The following PRELID2 variants were observed in gnomAD, a reference collection of about 807,000 sequenced individuals.
PRELID2 encodes the protein PRELI domain containing 2.
A neutral mutation model predicts 28.4 loss-of-function variants in PRELID2; 25 were observed. The ratio of observed to expected loss-of-function variants is 0.88; its 90% confidence interval spans 0.64 to 1.23. The LOEUF is 1.23. Ranked by LOEUF, PRELID2 falls within the 50% of genes most tolerant of loss-of-function variation. PRELID2 has a pLI of 0.00. For synonymous variants in PRELID2, 76 were observed against 71.6 expected (o/e 1.06, Z -0.31); for missense variants, 201 against 214.4 (o/e 0.94, Z 0.39).
chr5:145,248,155 C>T, the PRELID2 span, among the ~76,000 whole-genome samples: 1 of 152,028 alleles, frequency 6.6e-6, no homozygotes, highest in Non-Finnish European at 1.5e-5. Flanking sequence ...TAGAACTGCT[C>T]AGGATGTAAC....
chr5:145,656,144 T>C (rs1293001975), intron 1 of PRELID2, among the ~76,000 whole-genome samples: 1 of 151,924 alleles, frequency 6.6e-6, no homozygotes, highest in Non-Finnish European at 1.5e-5. Flanking sequence ...AACAGACACA[T>C]GAAAAAATGC....
chr5:145,773,928 T>C (rs1758255313), intron 5 of PRELID2, among the ~76,000 whole-genome samples: 1 of 152,268 alleles, frequency 6.6e-6, no homozygotes, highest in South Asian at 2.1e-4. Flanking sequence ...ATTCTGCTTT[T>C]ATCTTGTATC....
chr5:145,360,463 C>A, the PRELID2 span, among the ~76,000 whole-genome samples: 1 of 152,018 alleles, frequency 6.6e-6, no homozygotes, highest in Non-Finnish European at 1.5e-5. Context: ...TAGGAACAAA[C>A]CCTTACAGTG....
intron 1 of PRELID2, among the ~76,000 whole-genome samples, chr5:145,487,138 G>C (rs1032719087): frequency 6.7e-6 from 1 of 148,856 alleles, no homozygotes; most frequent in Non-Finnish European, 1.5e-5. Flanking sequence ...TATACCTAAT[G>C]CTAGATGATG....
intron 1 of PRELID2, among the ~76,000 whole-genome samples, chr5:145,664,099 GA>G (rs1470217364): frequency 6.6e-6 from 1 of 152,008 alleles, no homozygotes; most frequent in African/African-American, 2.4e-5. Context: ...TAAAATGAAG[GA>G]AATATTGAAG....
rs1420312572 is a variant in PRELID2 at position 145,760,367 on chromosome 5, A to G, written c.*169T>C. The G allele has an allele frequency of 4.6e-5, 7 of 152,088 alleles. No individual in the cohort carries two copies. The highest frequency in any genetic ancestry group is 4.6e-4 in the Admixed American group (7 of 15,256). 9.4% of individuals were successfully genotyped at this position (152,088 alleles called of 1,614,324 possible). A position where few individuals can be genotyped will look rare whatever the true frequency, so the allele number is the denominator to read the frequency against. ...AAGCAGGCTCCCAGAGGAGGGTATC[A>G]TTTTATGTCCTGGCAAGAAGGTCTT... is the stretch of plus-strand genomic sequence containing the variant. On this transcript the variant is annotated 3_prime_UTR_variant, in exon 7 of 7. Transcript: ENST00000683046.
At chr5:145,268,225 C>G in the PRELID2 span, among the ~76,000 whole-genome samples, 1 of 152,102 alleles carries the variant, frequency 6.6e-6, no homozygotes. Context: ...AGTCCAATGT[C>G]CTGGAGAATT....
chr5:145,467,477 G>A (rs1004893745), downstream of PRELID2, among the ~76,000 whole-genome samples: 2 of 152,048 alleles, frequency 1.3e-5, no homozygotes, highest in Admixed American at 6.6e-5. Context: ...TAGACCTAAA[G>A]TATATTTCAT....
At chr5:145,610,338 G>C (rs1279141431) in intron 1 of PRELID2, among the ~76,000 whole-genome samples, 1 of 152,120 alleles carries the variant, frequency 6.6e-6, no homozygotes, top group Non-Finnish European at 1.5e-5. Flanking sequence ...TGCAGGGTTA[G>C]TGTTCACTAG....
intron 1 of PRELID2, among the ~76,000 whole-genome samples, chr5:145,677,871 T>A (rs964853869): frequency 1.3e-5 from 2 of 152,112 alleles, no homozygotes; most frequent in Non-Finnish European, 2.9e-5. Flanking sequence ...CCCAGCACTT[T>A]GGGAGGCCGC....
At chr5:145,727,533 A>G (rs1405398937) in intron 1 of PRELID2, among the ~76,000 whole-genome samples, 8 of 152,182 alleles carry the variant, frequency 5.3e-5, no homozygotes, top group Non-Finnish European at 1.0e-4. Context: ...CACCACAGCT[A>G]TCATTGCTTG....
intron 1 of PRELID2, among the ~76,000 whole-genome samples, chr5:145,724,158 G>A (rs925472050): frequency 2.4e-4 from 37 of 152,092 alleles, no homozygotes; most frequent in African/African-American, 8.7e-4. Context: ...AATGGTTATC[G>A]GCAGACTCGC....
At chr5:145,380,738 TTGAATGAAATAA>T in the PRELID2 span, among the ~76,000 whole-genome samples, 1 of 152,228 alleles carries the variant, frequency 6.6e-6, no homozygotes, top group Non-Finnish European at 1.5e-5. Flanking sequence ...TACGTTTCAG[TTGAATGAAATAA>T]TGAATGAAAG....
the PRELID2 span, among the ~76,000 whole-genome samples, chr5:145,326,984 ACGCCTCC>A: frequency 1.1e-4 from 2 of 18,912 alleles, no homozygotes; most frequent in Non-Finnish European, 2.1e-4. Flanking sequence ...ACAGTCACAA[ACGCCTCC>A]CAAAAGACAC....
the PRELID2 span, among the ~76,000 whole-genome samples, chr5:145,415,561 G>C: frequency 6.7e-6 from 1 of 150,052 alleles, no homozygotes; most frequent in Admixed American, 6.7e-5. Flanking sequence ...ATAGTTTACT[G>C]AGAATGATGA....
intron 1 of PRELID2, among the ~76,000 whole-genome samples, chr5:145,718,408 T>C (rs1280756702): frequency 1.3e-5 from 2 of 151,796 alleles, no homozygotes; most frequent in African/African-American, 2.4e-5. Flanking sequence ...ATAAAGAATG[T>C]AAAAGATGAT....
At chr5:145,630,676 G>A (rs1348319729) in intron 1 of PRELID2, among the ~76,000 whole-genome samples, 1 of 152,114 alleles carries the variant, frequency 6.6e-6, no homozygotes, top group Non-Finnish European at 1.5e-5. Context: ...GTGAAAAGAG[G>A]TACTATTCAC....
At chr5:145,285,111 G>A in the PRELID2 span, among the ~76,000 whole-genome samples, 1,279 of 152,118 alleles carry the variant, frequency 8.4e-3, 18 homozygotes, top group African/African-American at 0.028. Flanking sequence ...ACTCAAACCC[G>A]AGTCTATATA....
chr5:145,668,333 T>C (rs1341700371), intron 1 of PRELID2, among the ~76,000 whole-genome samples: 3 of 150,364 alleles, frequency 2.0e-5, no homozygotes, highest in Middle Eastern at 3.4e-3. Context: ...ACCAATCTAA[T>C]TGATTATATA....
Sources: allele counts gnomAD v4.1 joint callset (sites outside exome capture counted in the v4.1 genomes callset), GRCh38; gene constraint gnomAD v4.1.1; transcripts MANE v1.5; gene names NCBI Gene and HGNC (gene_info 2026-07-23, HGNC 2026-07-21).